MKLN1: variants seen among roughly 807,000 people sequenced by gnomAD.
MKLN1 encodes the protein muskelin.
In MKLN1, 18 loss-of-function variants were observed where a neutral mutation model predicts 99.0. The ratio of observed to expected loss-of-function variants is 0.18; its 90% CI spans 0.13 to 0.27. The LOEUF is 0.27. Among genes scored for constraint, MKLN1 ranks in the 10% least tolerant of loss-of-function variants. The probability of loss-of-function intolerance (pLI) is 1.00; values close to 1 mark genes in which losing one functional copy is unlikely to be tolerated. For missense variants in MKLN1, 621 were observed against 875.9 expected (o/e 0.71, Z 3.67); for synonymous variants, 288 against 293.2 (o/e 0.98, Z 0.18).
At chr7:131,354,413 T>C (rs1040672141) in intron 1 of MKLN1, among the ~76,000 whole-genome samples, 5 of 152,056 alleles carry the variant, frequency 3.3e-5, no homozygotes, top group Non-Finnish European at 5.9e-5. Flanking sequence ...CTTTTAATCT[T>C]GGGTTTCACA....
At chr7:131,434,639 G>T (rs1029329610) in intron 9 of MKLN1, among the ~76,000 whole-genome samples, 1 of 151,926 alleles carries the variant, frequency 6.6e-6, no homozygotes, top group Admixed American at 6.6e-5. Context: ...CTGCAGCCTC[G>T]ACCTTCTGGG....
chr7:131,178,718 T>C (rs182004162), intron 2 of MKLN1, among the ~76,000 whole-genome samples: 54 of 152,318 alleles, frequency 3.5e-4, no homozygotes, highest in Admixed American at 9.8e-4. Flanking sequence ...ATCAGCTTTC[T>C]CAGGTTAAAC....
At chr7:131,184,585 C>T (rs919365479) in intron 2 of MKLN1, among the ~76,000 whole-genome samples, 1 of 151,706 alleles carries the variant, frequency 6.6e-6, no homozygotes, top group Admixed American at 6.6e-5. Flanking sequence ...AGTGCAATGG[C>T]GTGGTCTCGG....
chr7:131,273,211 A>C (rs1797913508), intron 3 of MKLN1, among the ~76,000 whole-genome samples: 1 of 152,190 alleles, frequency 6.6e-6, no homozygotes, highest in Non-Finnish European at 1.5e-5. Context: ...TGTGCTTCAA[A>C]GCAGCTGAGA....
intron 3 of MKLN1, among the ~76,000 whole-genome samples, chr7:131,215,585 C>T (rs1050236069): frequency 6.6e-6 from 1 of 152,222 alleles, no homozygotes; most frequent in African/African-American, 2.4e-5. Context: ...CCACCTCAGC[C>T]TTCCAAAGTT....
intron 3 of MKLN1, among the ~76,000 whole-genome samples, chr7:131,308,565 G>A (rs958217139): frequency 6.8e-6 from 1 of 146,156 alleles, no homozygotes; most frequent in Non-Finnish European, 1.5e-5. Flanking sequence ...CTGGCCTCAG[G>A]TAGGTTTTTT....
At chr7:131,410,174 A>G (rs1160395751) in intron 6 of MKLN1, among the ~76,000 whole-genome samples, 2 of 152,138 alleles carry the variant, frequency 1.3e-5, no homozygotes, top group African/African-American at 2.4e-5. Context: ...TCTCCATACC[A>G]TTACAGTAAC....
intron 12 of MKLN1, among the ~76,000 whole-genome samples, chr7:131,448,902 T>C (rs1796097414): frequency 6.6e-6 from 1 of 152,252 alleles, no homozygotes. Flanking sequence ...ACTTAGTTCA[T>C]TGTCTTCTGT....
intron 17 of MKLN1, among the ~76,000 whole-genome samples, chr7:131,483,148 G>C (rs1797172158): frequency 6.6e-6 from 1 of 152,112 alleles, no homozygotes; most frequent in Non-Finnish European, 1.5e-5. Flanking sequence ...GGAGCATGAG[G>C]TTTAGAATCA....
intron 1 of MKLN1, among the ~76,000 whole-genome samples, chr7:131,117,812 AT>A (rs1480658413): frequency 1.3e-5 from 2 of 152,186 alleles, no homozygotes; most frequent in African/African-American, 4.8e-5. Context: ...GCCAAGAGTT[AT>A]TTTAAAGAAA....
At chr7:131,187,140 A>G (rs565542770) in intron 2 of MKLN1, among the ~76,000 whole-genome samples, 89 of 152,362 alleles carry the variant, frequency 5.8e-4, no homozygotes, top group Non-Finnish European at 1.0e-3. Flanking sequence ...GAAACAAAAC[A>G]AATGAGACAT....
At chr7:131,364,627 C>CCCACCCT (rs923783543) in intron 1 of MKLN1, among the ~76,000 whole-genome samples, 1 of 152,080 alleles carries the variant, frequency 6.6e-6, no homozygotes, top group African/African-American at 2.4e-5. Context: ...TCTCATTCCT[C>CCCACCCT]CCACCCTCCA....
chr7:131,234,364 A>G (rs1338796802), intron 3 of MKLN1, among the ~76,000 whole-genome samples: 1 of 152,220 alleles, frequency 6.6e-6, no homozygotes, highest in Non-Finnish European at 1.5e-5. Context: ...CTTTTTCTCA[A>G]GCATTCACAT....
intron 1 of MKLN1, among the ~76,000 whole-genome samples, chr7:131,122,955 G>A (rs1227655101): frequency 6.9e-6 from 1 of 144,404 alleles, no homozygotes; most frequent in Admixed American, 7.5e-5. Flanking sequence ...CCCGGGAGGC[G>A]GAGCTTGCAG....
intron 1 of MKLN1, among the ~76,000 whole-genome samples, chr7:131,128,006 G>C (rs1401042140): frequency 6.6e-6 from 1 of 152,206 alleles, no homozygotes; most frequent in Non-Finnish European, 1.5e-5. Flanking sequence ...ATTCAGGGGA[G>C]AGTTGGAGCT....
intron 4 of MKLN1, among the ~76,000 whole-genome samples, chr7:131,396,551 GT>G: frequency 6.6e-6 from 1 of 152,162 alleles, no homozygotes; most frequent in East Asian, 1.9e-4. Context: ...TTCCCAGTAG[GT>G]TTAATTTTTA....
intron 2 of MKLN1, among the ~76,000 whole-genome samples, chr7:131,186,172 C>T (rs1796447983): frequency 6.6e-6 from 1 of 151,434 alleles, no homozygotes. Context: ...GCCTGGGTGA[C>T]AGAATAAGAC....
chr7:131,264,477 A>G (rs1797778910), intron 3 of MKLN1, among the ~76,000 whole-genome samples: 1 of 152,232 alleles, frequency 6.6e-6, no homozygotes, highest in Admixed American at 6.5e-5. Flanking sequence ...GGGAAATATA[A>G]GGAACTAATT....
chr7:131,213,562 C>T (rs1426134402), intron 3 of MKLN1, among the ~76,000 whole-genome samples: 2 of 152,174 alleles, frequency 1.3e-5, no homozygotes, highest in Non-Finnish European at 2.9e-5. Flanking sequence ...AATTCCTCAC[C>T]TCTAACAGCC....
Sources: gnomAD v4.1 joint callset for allele counts (sites outside exome capture counted in the v4.1 genomes callset) on GRCh38, gnomAD v4.1.1 for gene constraint, MANE v1.5 for transcripts, NCBI Gene and HGNC (gene_info 2026-07-23, HGNC 2026-07-21) for gene names.